Variants in FBXO17 observed in about 807,000 individuals in gnomAD.
FBXO17 encodes F-box only protein 17.
FBXO17 carries 43 observed loss-of-function variants against 34.1 expected under a neutral mutation model. That is an observed-to-expected ratio of 1.26 (90% CI 0.99 to 1.62). The LOEUF (loss-of-function observed/expected upper bound fraction) is 1.62. Among genes scored for constraint, FBXO17 ranks in the 40% most tolerant of loss-of-function variants. The pLI is 0.00. For synonymous variants in FBXO17, 169 were observed against 166.0 expected (o/e 1.02, Z -0.14); for missense variants, 424 against 386.7 (o/e 1.10, Z -0.81).
intron 2 of FBXO17, 111 bp downstream of exon 2, chr19:38,949,860 C>T: frequency 4.7e-6 from 6 of 1,289,916 alleles, no homozygotes; most frequent in Middle Eastern, 2.7e-4. Flanking sequence ...CCCCCTGGCT[C>T]CTCCAGCGGT....
rs1194131633 is a variant in FBXO17 at position 38,942,185 on chromosome 19, A to T, written c.*423T>A. ...AAGCAGCAGCAAGCAGATTCATGGA[A>T]GGTGTGCTGAGAACCAGCCACCTGG... On this transcript the variant is annotated 3_prime_UTR_variant, in exon 6 of 6. Coordinates refer to ENST00000292852, the MANE Select transcript of FBXO17 (RefSeq NM_024907.7). The T allele has an allele frequency of 6.5e-6, 1 of 152,748 alleles. No individual in the cohort carries two copies. The highest frequency in any genetic ancestry group is 2.1e-4 in the South Asian group (1 of 4,830). 9.5% of individuals were successfully genotyped at this position (152,748 alleles called of 1,614,324 possible). A position where few individuals can be genotyped will look rare whatever the true frequency, so the allele number is the denominator to read the frequency against.
chr19:38,953,323 A>T (rs1975114416), intron 1 of FBXO17, among the ~76,000 whole-genome samples: 1 of 151,708 alleles, frequency 6.6e-6, no homozygotes, highest in South Asian at 2.1e-4. Context: ...AAATAAAAAG[A>T]ATAGCAAAAA....
intron 1 of FBXO17, among the ~76,000 whole-genome samples, chr19:38,961,416 C>G (rs2144834252): frequency 6.6e-6 from 1 of 151,754 alleles, no homozygotes; most frequent in African/African-American, 2.4e-5. Flanking sequence ...GCTGAGATTA[C>G]AAGCGTGCGC....
At chr19:38,943,805 G>T (rs1200468940) in intron 5 of FBXO17, among the ~76,000 whole-genome samples, 1 of 152,138 alleles carries the variant, frequency 6.6e-6, no homozygotes, top group Non-Finnish European at 1.5e-5. Context: ...TGGCAGGCTG[G>T]TGTTGAACTC....
At chr19:38,970,079 G>C (rs551398303) in intron 1 of FBXO17, among the ~76,000 whole-genome samples, 1 of 151,224 alleles carries the variant, frequency 6.6e-6, no homozygotes, top group African/African-American at 2.4e-5. Flanking sequence ...TCATTAATAA[G>C]ATAAGATGGA....
chr19:38,974,802 G>A (rs1044258845), intron 1 of FBXO17, among the ~76,000 whole-genome samples: 1 of 152,170 alleles, frequency 6.6e-6, no homozygotes, highest in Non-Finnish European at 1.5e-5. Context: ...AATGTATTTG[G>A]CCGACAGGGG....
chr19:38,958,896 CTCTCTCTCTT>C (rs1008727983), intron 1 of FBXO17, among the ~76,000 whole-genome samples: 6 of 151,244 alleles, frequency 4.0e-5, no homozygotes, highest in African/African-American at 1.2e-4. Context: ...GGATTTCATT[CTCTCTCTCTT>C]TCTCTCTCTT....
intron 1 of FBXO17, among the ~76,000 whole-genome samples, chr19:38,972,336 G>T (rs1027068456): frequency 4.6e-5 from 7 of 152,152 alleles, no homozygotes; most frequent in African/African-American, 1.7e-4. Flanking sequence ...CCTGAGGTCA[G>T]GAGTTCGAGA....
chr19:38,950,290 C>T lies in FBXO17; in HGVS notation c.30G>A (p.Leu10=). MGARLSRRR[L]PADPSLALDA... ...CCAGGGCCAGGGATGGGTCCGCCGG[C>T]AGCCGTCGCCGCGATAGCCGGGCGC... Residue 10 remains leucine, a synonymous_variant, in exon 2 of 6, where the codon CTG becomes CTA. Transcript: ENST00000292852. 6.9e-7 allele frequency: 1 copy of T among 1,439,206 alleles called. No individual in the cohort carries two copies. The highest frequency in any genetic ancestry group is 9.0e-7 in the Non-Finnish European group (1 of 1,105,850). 89.2% of individuals were successfully genotyped at this position (1,439,206 alleles called of 1,614,324 possible).
At chr19:38,959,688 C>T (rs192255152) in intron 1 of FBXO17, among the ~76,000 whole-genome samples, 1 of 151,904 alleles carries the variant, frequency 6.6e-6, no homozygotes, top group Non-Finnish European at 1.5e-5. Context: ...CCCGGGGGTT[C>T]GAGACCAGCC....
At chr19:38,946,712 G>C (rs1974989598) in intron 3 of FBXO17, 145 bp from the exon 4 acceptor site, 2 of 1,148,978 alleles carry the variant, frequency 1.7e-6, no homozygotes, top group Middle Eastern at 2.0e-4. Context: ...GAAGATGCAT[G>C]ATGGGCTATA....
At chr19:38,946,840 A>G (rs1974991358) in intron 3 of FBXO17, 1 of 454,866 alleles carries the variant, frequency 2.2e-6, no homozygotes, top group African/African-American at 2.0e-5. Context: ...ATGACTACAA[A>G]TGAAGGCCAC....
At chr19:38,943,521 C>T (rs567837211) in intron 5 of FBXO17, among the ~76,000 whole-genome samples, 10 of 152,090 alleles carry the variant, frequency 6.6e-5, no homozygotes, top group African/African-American at 2.2e-4. Context: ...GTGATCCACC[C>T]GCCATGGTCT....
chr19:38,950,985 TTTCACCA>T (rs1975075334), intron 1 of FBXO17, among the ~76,000 whole-genome samples: 1 of 150,954 alleles, frequency 6.6e-6, no homozygotes, highest in African/African-American at 2.4e-5. Flanking sequence ...AGAGACGGGG[TTTCACCA>T]TCTTGGCCAG....
intron 1 of FBXO17, among the ~76,000 whole-genome samples, chr19:38,953,538 G>A (rs1975117838): frequency 1.3e-5 from 2 of 152,016 alleles, no homozygotes; most frequent in Admixed American, 6.6e-5. Flanking sequence ...TGGCGCACCT[G>A]TAATCCCAGC....
chr19:38,964,205 C>T (rs1313211625), intron 1 of FBXO17, among the ~76,000 whole-genome samples: 2 of 152,102 alleles, frequency 1.3e-5, no homozygotes, highest in Non-Finnish European at 2.9e-5. Context: ...ATCTGCATTC[C>T]CAAAAATTCT....
At chr19:38,970,783 T>C (rs566556768) in intron 1 of FBXO17, among the ~76,000 whole-genome samples, 1 of 152,178 alleles carries the variant, frequency 6.6e-6, no homozygotes, top group East Asian at 1.9e-4. Flanking sequence ...ACATACCAAA[T>C]GGGCTCCGTA....
At chr19:38,958,406 C>CAAAAAAAAAAAAAAAAA (rs61007658) in intron 1 of FBXO17, among the ~76,000 whole-genome samples, 2 of 98,738 alleles carry the variant, frequency 2.0e-5, no homozygotes, top group Admixed American at 1.3e-4. Context: ...GAAACTGTCT[C>CAAAAAAAAAAAAAAAAA]AAAAAAAAAA....
chr19:38,968,711 A>AT (rs1975352231), intron 1 of FBXO17, among the ~76,000 whole-genome samples: 1 of 152,112 alleles, frequency 6.6e-6, no homozygotes, highest in Non-Finnish European at 1.5e-5. Flanking sequence ...AAAATAGAAT[A>AT]TTTTTAAGCA....
Sources: allele counts gnomAD v4.1 joint callset (sites outside exome capture counted in the v4.1 genomes callset), GRCh38; gene constraint gnomAD v4.1.1; transcripts MANE v1.5; gene names NCBI Gene and HGNC (gene_info 2026-07-23, HGNC 2026-07-21).